EHMT1: variants seen among roughly 807,000 people sequenced by gnomAD.
EHMT1 encodes euchromatic histone lysine methyltransferase 1, also known as histone-lysine N-methyltransferase EHMT1.
A neutral mutation model predicts 147.2 loss-of-function variants in EHMT1; 15 were observed. That is an observed-to-expected ratio of 0.10 (90% CI 0.07 to 0.16). EHMT1 has a LOEUF of 0.16. Among genes scored for constraint, EHMT1 ranks in the 10% least tolerant of loss-of-function variants. EHMT1 has a pLI of 1.00. For synonymous variants in EHMT1, 795 were observed against 709.6 expected (o/e 1.12, Z -1.91); for missense variants, 1,587 against 1,772.4 (o/e 0.90, Z 1.88).
intron 1 of EHMT1, among the ~76,000 whole-genome samples, chr9:137,674,351 G>C (rs539782823): frequency 6.6e-6 from 1 of 152,284 alleles, no homozygotes; most frequent in Non-Finnish European, 1.5e-5. Context: ...ATCTATCAAA[G>C]AGCACCAACA....
chr9:137,701,114 AGCAAGGGGAACGTCC>A (rs1943785643), intron 1 of EHMT1, among the ~76,000 whole-genome samples: 1 of 152,182 alleles, frequency 6.6e-6, no homozygotes, highest in South Asian at 2.1e-4. Context: ...TCATGAGAAC[AGCAAGGGGAACGTCC>A]GCCCCCATGA....
chr9:137,775,369 C>A lies in EHMT1; in HGVS notation c.1791+117C>A. ...GGGTGGTCCAGCAGCTGGCCCAGGT[C>A]TGGTGTCCGTCTGGAGGTCTCCAGT... On this transcript the variant is annotated intron_variant, in intron 11 of 26. Coordinates refer to ENST00000460843, the MANE Select transcript of EHMT1 (RefSeq NM_024757.5). This position sits in a 1 kb window ranked among gnomAD's most constrained non-coding sequence, Gnocchi z 6.1. 1 of 1,464,216 alleles carries A rather than the reference C, an allele frequency of 6.8e-7. No individual in the cohort carries two copies. Among genetic ancestry groups the A allele is most frequent in the South Asian group, 1.2e-5 (1 of 81,668 alleles). 90.7% of individuals were successfully genotyped at this position (1,464,216 alleles called of 1,614,324 possible).
intron 16 of EHMT1, among the ~76,000 whole-genome samples, chr9:137,795,401 GCACA>G (rs554055210): frequency 1.8e-4 from 24 of 130,282 alleles, no homozygotes; most frequent in African/African-American, 4.1e-4. Context: ...ATCGCAGGGT[GCACA>G]CACACACACA....
At chr9:137,742,972 G>A (rs1016735973) in intron 4 of EHMT1, 8 of 298,996 alleles carry the variant, frequency 2.7e-5, no homozygotes, top group South Asian at 1.9e-4. Context: ...TGCTGTTCAC[G>A]TTGGTCTGTT....
intron 1 of EHMT1, among the ~76,000 whole-genome samples, chr9:137,678,303 C>T (rs973459489): frequency 2.6e-5 from 4 of 152,138 alleles, no homozygotes; most frequent in Admixed American, 6.5e-5. Context: ...GGAAGTGGCA[C>T]CTCCATGGCT....
At chr9:137,759,137 A>G (rs956209594) in intron 9 of EHMT1, among the ~76,000 whole-genome samples, 19 of 152,108 alleles carry the variant, frequency 1.2e-4, no homozygotes, top group African/African-American at 4.6e-4. Flanking sequence ...TTAAAAAAAA[A>G]ACAAAAAACA....
chr9:137,703,054 C>CA (rs1202924519), intron 1 of EHMT1, among the ~76,000 whole-genome samples: 3 of 152,230 alleles, frequency 2.0e-5, no homozygotes, highest in Admixed American at 1.3e-4. Context: ...TGCCAGCTTG[C>CA]ACCCTTTGGG....
At chr9:137,834,288 G>T in intron 25 of EHMT1, 61 bp from the exon 26 acceptor site, 3 of 1,601,806 alleles carry the variant, frequency 1.9e-6, no homozygotes, top group Non-Finnish European at 2.6e-6. Flanking sequence ...GGCCGTACCC[G>T]GCGAGGCCGG....
intron 6 of EHMT1, chr9:137,745,702 C>T (rs17496925): frequency 0.055 from 21,689 of 396,376 alleles, 733 homozygotes; most frequent in South Asian, 0.15. Context: ...CTGTGTTACG[C>T]TCTTTCTGTC....
At chr9:137,684,532 C>T (rs988001243) in intron 1 of EHMT1, among the ~76,000 whole-genome samples, 1 of 152,082 alleles carries the variant, frequency 6.6e-6, no homozygotes. Flanking sequence ...TACTCTGTCA[C>T]CCATGTTGGA....
chr9:137,803,271 C>T, intron 18 of EHMT1: 1 of 1,029,080 alleles, frequency 9.7e-7, no homozygotes, highest in Middle Eastern at 4.7e-4. Flanking sequence ...AAAGTACACA[C>T]TTGGGTGAAT....
chr9:137,619,067 C>G lies in EHMT1; in HGVS notation c.21+18C>G. ...ATGCCGAGGTGAGCAGCGGGGCCGG[C>G]GGGGGGCGGCGCGGGGGCGGCGGGC... On this transcript the variant is annotated intron_variant, in intron 1 of 26. Coordinates refer to ENST00000460843, the MANE Select transcript of EHMT1 (RefSeq NM_024757.5). 1 of 819,088 alleles carries G rather than the reference C, an allele frequency of 1.2e-6. No individual in the cohort carries two copies. The highest frequency in any genetic ancestry group is 1.5e-6 in the Non-Finnish European group (1 of 681,262). The allele number at this position is 819,088 out of a possible 1,614,324, so 50.7% of individuals were successfully genotyped here. A position where few individuals can be genotyped will look rare whatever the true frequency, so the allele number is the denominator to read the frequency against.
chr9:137,780,766 T>C (rs113049540), intron 14 of EHMT1, among the ~76,000 whole-genome samples: 1 of 96,410 alleles, frequency 1.0e-5, no homozygotes. Flanking sequence ...GACGCTGGGA[T>C]GTGTGGTGAT....
chr9:137,834,534 GCCCCGGCCCCTGGC>G lies in EHMT1; in HGVS notation c.3716+12_3716+25del. 6.2e-7 allele frequency: 1 copy of G among 1,608,914 alleles called. No individual in the cohort carries two copies. Among genetic ancestry groups the G allele is most frequent in the Non-Finnish European group, 8.5e-7 (1 of 1,179,398 alleles). On this transcript the variant is annotated intron_variant, in intron 26 of 26. Coordinates refer to ENST00000460843, the MANE Select transcript of EHMT1 (RefSeq NM_024757.5). ...CCGGCGAGCAGCTCGGGTACGCACC[GCCCCGGCCCCTGGC>G]CATCTCCGCTGCCGGCGGGACGGTT...
intron 1 of EHMT1, among the ~76,000 whole-genome samples, chr9:137,624,191 C>T (rs1323261537): frequency 1.3e-5 from 2 of 151,642 alleles, no homozygotes; most frequent in East Asian, 1.9e-4. Context: ...TTAGTAGAGA[C>T]GGGGTTTCAC....
rs373762614 is a variant in EHMT1, at chr9:137,813,349, G to A, written c.3036-37G>A. 3.5e-5 allele frequency: 56 copies of A among 1,597,280 alleles called. No homozygotes were observed. The highest frequency in any genetic ancestry group is 1.7e-4 in the Middle Eastern group (1 of 6,052). On this transcript the variant is annotated intron_variant, in intron 20 of 26. Coordinates refer to ENST00000460843, the MANE Select transcript of EHMT1 (RefSeq NM_024757.5). This position sits in a 1 kb window ranked among gnomAD's most constrained non-coding sequence, Gnocchi z 4.9. Reference sequence around the variant, plus strand: ...CTGTGCCACCCCCTGGGCAGAGCACGTCAGCCACCAGGTGACACCTGTCCT... The same window carrying A: ...CTGTGCCACCCCCTGGGCAGAGCACATCAGCCACCAGGTGACACCTGTCCT...
chr9:137,795,722 A>G (rs1952888339), intron 16 of EHMT1, among the ~76,000 whole-genome samples: 1 of 152,212 alleles, frequency 6.6e-6, no homozygotes, highest in African/African-American at 2.4e-5. Context: ...ATACAGGATA[A>G]TAACTACCCA....
chr9:137,803,467 T>G (rs1564792964), intron 18 of EHMT1: 1 of 237,722 alleles, frequency 4.2e-6, no homozygotes, highest in Admixed American at 6.5e-5. Flanking sequence ...TGGGCAGCTT[T>G]CCCTCGCGTC....
intron 1 of EHMT1, among the ~76,000 whole-genome samples, chr9:137,703,733 A>C (rs1055258108): frequency 1.3e-5 from 2 of 152,118 alleles, no homozygotes; most frequent in African/African-American, 4.8e-5. Flanking sequence ...TAGGAAGTTC[A>C]TCTTCCTTTC....
Sources: gnomAD v4.1 joint callset for allele counts (sites outside exome capture counted in the v4.1 genomes callset) on GRCh38, gnomAD v4.1.1 for gene constraint, Gnocchi (gnomAD v3.1) non-coding constraint, MANE v1.5 for transcripts, NCBI Gene and HGNC (gene_info 2026-07-23, HGNC 2026-07-21) for gene names.